The following PDE3B variants were observed in gnomAD, a reference collection of about 807,000 sequenced individuals.
The protein encoded by PDE3B is phosphodiesterase 3B.
Under a neutral mutation model 116.8 loss-of-function variants are expected in PDE3B, and 66 were observed. That is an observed-to-expected ratio of 0.56 (90% CI 0.46 to 0.69). PDE3B has a LOEUF of 0.69. PDE3B is among the 30% of genes least tolerant of loss of function. PDE3B has a pLI of 0.00. For missense variants in PDE3B, 1,384 were observed against 1,368.1 expected (o/e 1.01, Z -0.18); for synonymous variants, 595 against 533.6 (o/e 1.12, Z -1.59).
At chr11:14,777,260 A>C (rs6486202) in intron 2 of PDE3B, among the ~76,000 whole-genome samples, 99,736 of 151,930 alleles carry the variant, frequency 0.66, 33,018 homozygotes, top group African/African-American at 0.74. Flanking sequence ...ACCTATTGGG[A>C]AGTAACAAAG....
At chr11:14,878,409 G>C in the PDE3B span, 1 of 1,025,498 alleles carries the variant, frequency 9.8e-7, no homozygotes, top group Non-Finnish European at 1.4e-6. Context: ...AAAGAAAGAG[G>C]GAACTATGTT....
At chr11:14,765,510 A>G (rs969217355) in intron 1 of PDE3B, among the ~76,000 whole-genome samples, 2 of 151,962 alleles carry the variant, frequency 1.3e-5, no homozygotes. Context: ...ATAAAGGTGC[A>G]GTCTTGGGTA....
intron 9 of PDE3B, among the ~76,000 whole-genome samples, 196 bp downstream of exon 9, chr11:14,831,973 G>T (rs1859900005): frequency 6.6e-6 from 1 of 151,752 alleles, no homozygotes; most frequent in Non-Finnish European, 1.5e-5. Flanking sequence ...TATATGACAA[G>T]TAGTTTATTT....
chr11:14,827,088 A>T (rs907292506), intron 7 of PDE3B, among the ~76,000 whole-genome samples: 1 of 152,208 alleles, frequency 6.6e-6, no homozygotes, highest in Non-Finnish European at 1.5e-5. Flanking sequence ...ATCTCAATAG[A>T]TGCAGAAAAA....
intron 1 of PDE3B, among the ~76,000 whole-genome samples, chr11:14,733,808 G>A (rs1856525225): frequency 6.6e-6 from 1 of 151,804 alleles, no homozygotes; most frequent in South Asian, 2.1e-4. Flanking sequence ...AGAATGAGAT[G>A]TAATTTTTTT....
At chr11:14,759,796 C>A (rs1392835131) in intron 1 of PDE3B, among the ~76,000 whole-genome samples, 1 of 152,060 alleles carries the variant, frequency 6.6e-6, no homozygotes, top group East Asian at 1.9e-4. Flanking sequence ...ATCTGCCCGC[C>A]TTGGCCTCCC....
intron 4 of PDE3B, among the ~76,000 whole-genome samples, chr11:14,790,237 G>T (rs1858341359): frequency 6.6e-6 from 1 of 151,740 alleles, no homozygotes; most frequent in Admixed American, 6.6e-5. Flanking sequence ...TGAATGAAGT[G>T]ATGTCTAAAA....
intron 1 of PDE3B, among the ~76,000 whole-genome samples, chr11:14,721,705 A>G (rs1344465697): frequency 1.1e-5 from 1 of 91,950 alleles, no homozygotes; most frequent in Non-Finnish European, 2.1e-5. Context: ...ATTCTCACTC[A>G]TAGGTGGGAA....
At chr11:14,778,721 G>C (rs986153068) in intron 2 of PDE3B, among the ~76,000 whole-genome samples, 3 of 152,192 alleles carry the variant, frequency 2.0e-5, no homozygotes, top group Non-Finnish European at 4.4e-5. Flanking sequence ...GGAGAAACCA[G>C]AGCAGAAAAG....
chr11:14,849,312 C>G (rs1169744380), intron 12 of PDE3B, among the ~76,000 whole-genome samples: 1 of 151,666 alleles, frequency 6.6e-6, no homozygotes, highest in Admixed American at 6.6e-5. Flanking sequence ...GGATCCCTTC[C>G]TTACACCTTA....
chr11:14,799,433 A>T (rs950042444), intron 4 of PDE3B, among the ~76,000 whole-genome samples: 12 of 152,316 alleles, frequency 7.9e-5, no homozygotes, highest in African/African-American at 2.9e-4. Context: ...AGAGTTCTGT[A>T]GATGTCTCTT....
chr11:14,735,616 A>G (rs1856574625), intron 1 of PDE3B, among the ~76,000 whole-genome samples: 1 of 152,216 alleles, frequency 6.6e-6, no homozygotes, highest in Non-Finnish European at 1.5e-5. Flanking sequence ...AACTTCAGTT[A>G]AACTAGTTAA....
intron 1 of PDE3B, among the ~76,000 whole-genome samples, chr11:14,762,711 A>G (rs1857395064): frequency 6.6e-6 from 1 of 152,244 alleles, no homozygotes; most frequent in Admixed American, 6.5e-5. Flanking sequence ...TTTGGGCAAG[A>G]GAGCATGATG....
At chr11:14,668,443 A>G (rs1854255647) in intron 1 of PDE3B, among the ~76,000 whole-genome samples, 1 of 152,130 alleles carries the variant, frequency 6.6e-6, no homozygotes, top group African/African-American at 2.4e-5. Context: ...TCAACCCTTA[A>G]AATGTTAAAG....
At chr11:14,883,378 C>A in the PDE3B span, among the ~76,000 whole-genome samples, 1 of 152,054 alleles carries the variant, frequency 6.6e-6, no homozygotes, top group Non-Finnish European at 1.5e-5. Context: ...GAAATAATGC[C>A]GCATATCTAC....
chr11:14,668,520 C>G (rs1329706566), intron 1 of PDE3B, among the ~76,000 whole-genome samples: 1 of 151,944 alleles, frequency 6.6e-6, no homozygotes, highest in Admixed American at 6.6e-5. Flanking sequence ...TTGTCATCAG[C>G]CTCTGCAAAG....
chr11:14,773,607 G>T (rs1044844694), intron 2 of PDE3B: 3 of 152,044 alleles, frequency 2.0e-5, no homozygotes, highest in African/African-American at 7.2e-5. Context: ...TCACCTTGAA[G>T]AATTATTTTG....
the PDE3B span, among the ~76,000 whole-genome samples, chr11:14,883,183 C>T: frequency 6.6e-6 from 1 of 151,820 alleles, no homozygotes; most frequent in African/African-American, 2.4e-5. Context: ...GAAAAAACTA[C>T]TTTAAAGTTC....
Position 14,818,356 on chromosome 11 carries a change from C to T in PDE3B, c.1696C>T (p.Gln566Ter). 6.2e-7 allele frequency: 1 copy of T among 1,612,642 alleles called. No individual in the cohort carries two copies. The highest frequency in any genetic ancestry group is 8.5e-7 in the Non-Finnish European group (1 of 1,178,752). Residue 566 changes from glutamine to a stop codon, truncating the protein, a stop_gained, in exon 6 of 16, where the codon CAG (glutamine) becomes TAG (stop). Transcript: ENST00000282096. LOFTEE classifies it high-confidence loss of function. Reference sequence around the variant, plus strand: ...TGCACCTAATACTCCAGATTTTTATCAGCAACTTAGAAATTCTGATAGCAA... The same window carrying T: ...TGCACCTAATACTCCAGATTTTTATTAGCAACTTAGAAATTCTGATAGCAA... Reference protein sequence around the residue: ...GNAPNTPDFYQQLRNSDSNLC... With the variant: ...GNAPNTPDFY
Sources: allele counts gnomAD v4.1 joint callset (sites outside exome capture counted in the v4.1 genomes callset), GRCh38; gene constraint gnomAD v4.1.1; transcripts MANE v1.5; gene names NCBI Gene and HGNC (gene_info 2026-07-23, HGNC 2026-07-21).